The following MGST2 variants were observed in gnomAD, a reference collection of about 807,000 sequenced individuals.
The protein encoded by MGST2 is microsomal glutathione S-transferase 2.
A neutral mutation model predicts 16.6 loss-of-function variants in MGST2; 9 were observed. That is an observed-to-expected ratio of 0.54 (90% confidence interval 0.33 to 0.95). MGST2 has a LOEUF of 0.95. Ranked by LOEUF, MGST2 falls within the 40% of genes least tolerant of loss-of-function variation. MGST2 has a pLI of 0.03. For missense variants in MGST2, 159 were observed against 175.1 expected, an observed-to-expected ratio of 0.91 and a Z score of 0.52; for synonymous variants, 79 against 68.0, an observed-to-expected ratio of 1.16 and a Z score of -0.79.
chr4:139,669,045 A>G lies in MGST2; in HGVS notation c.58+2968A>G, dbSNP rs545060150. ...CTTACAAAATGGTGTAGTTTGGACT[A>G]ACATTAAGGTCTGTTTCAATGTTAA... On this transcript the variant is annotated intron_variant, in intron 1 of 4. Transcript: ENST00000265498. 1.2e-4 allele frequency among the ~76,000 whole-genome samples: 19 copies of G among 152,270 alleles called. No individual in the cohort carries two copies. In the South Asian group the frequency reaches 3.9e-3, roughly 32 times the overall value.
chr4:139,696,402 A>G (rs1480034938), intron 3 of MGST2, among the ~76,000 whole-genome samples: 1 of 152,230 alleles, frequency 6.6e-6, no homozygotes, highest in East Asian at 1.9e-4. Context: ...TAAAAGAAGT[A>G]AAAAAGCAGA....
chr4:139,745,226 C>G (rs1277765088), downstream of MGST2, among the ~76,000 whole-genome samples: 1 of 152,164 alleles, frequency 6.6e-6, no homozygotes, highest in Non-Finnish European at 1.5e-5. Flanking sequence ...GAAAGCTTCA[C>G]AGGGTGGGAC....
At chr4:139,716,197 A>AAAG (rs34016766) in intron 5 of MGST2, among the ~76,000 whole-genome samples, 55,693 of 151,772 alleles carry the variant, frequency 0.37, 10,856 homozygotes, top group South Asian at 0.51. Flanking sequence ...GTCACTGGCT[A>AAAG]AAGTCAATCC....
At chr4:139,671,118 A>C (rs546988400) in intron 1 of MGST2, among the ~76,000 whole-genome samples, 77 of 152,126 alleles carry the variant, frequency 5.1e-4, no homozygotes, top group Non-Finnish European at 8.2e-4. Context: ...TATGATCCCC[A>C]TTTTAACCTT....
rs1332631075 is a variant in MGST2, at chr4:139,666,054, C to G, written c.35C>G (p.Ser12Cys). The G allele has an allele frequency of 6.2e-7, 1 of 1,613,922 alleles. No homozygotes were observed. The highest frequency in any genetic ancestry group is 8.5e-7 in the Non-Finnish European group (1 of 1,180,032). ...AGNSILLAAV[S>C]ILSACQQSYF... ...AACTCGATCCTGCTGGCTGCTGTCT[C>G]TATTCTCTCGGCCTGTCAGCAAAGT... The change falls in exon 1 of 5, where the codon TCT (serine) becomes TGT (cysteine). Residue 12 changes from serine to cysteine, a missense_variant. Ser to Cys is a moderately radical substitution (Grantham distance 112). Transcript: ENST00000265498.
intron 2 of MGST2, among the ~76,000 whole-genome samples, chr4:139,694,600 G>A (rs8192097): frequency 1.7e-3 from 261 of 152,160 alleles, no homozygotes; most frequent in Middle Eastern, 3.4e-3. Context: ...TTCCATCCAC[G>A]TCTTCTATGA....
At chr4:139,690,772 T>C (rs553759087) in intron 2 of MGST2, among the ~76,000 whole-genome samples, 1 of 152,318 alleles carries the variant, frequency 6.6e-6, no homozygotes, top group South Asian at 2.1e-4. Context: ...TAACATAAAC[T>C]TTGTAGTATA....
At chr4:139,675,925 T>C (rs1423474401) in intron 1 of MGST2, among the ~76,000 whole-genome samples, 1 of 152,126 alleles carries the variant, frequency 6.6e-6, no homozygotes, top group South Asian at 2.1e-4. Context: ...TAGTTACATA[T>C]AAATTTTGGG....
chr4:139,706,683 T>TACAC (rs111407241), downstream of MGST2, among the ~76,000 whole-genome samples: 33 of 150,644 alleles, frequency 2.2e-4, no homozygotes, highest in African/African-American at 5.6e-4. Flanking sequence ...AACACACACA[T>TACAC]ACACACACAC....
downstream of MGST2, among the ~76,000 whole-genome samples, chr4:139,704,745 AC>A (rs8192114): frequency 2.6e-4 from 39 of 151,968 alleles, no homozygotes; most frequent in African/African-American, 9.4e-4. Context: ...ACACAGTGAA[AC>A]CCTGTCTCTA....
intron 5 of MGST2, among the ~76,000 whole-genome samples, chr4:139,731,705 C>T (rs549164811): frequency 5.9e-5 from 9 of 152,206 alleles, no homozygotes; most frequent in African/African-American, 2.2e-4. Flanking sequence ...TATATGTCAG[C>T]CAGTCGAATG....
rs548314314 is a variant in MGST2, at chr4:139,715,439, G to GA, written c.*48+11246dup. Among the ~76,000 whole-genome samples, 1 of 151,732 alleles carries GA rather than the reference G, an allele frequency of 6.6e-6. No homozygotes were observed. The highest frequency in any genetic ancestry group is 2.4e-5 in the African/African-American group (1 of 41,518). ...TGCAGGACAGAGAAATGTGTTACAG[G>GA]AAAGGGGTCCTGATGCAGACCCCAA... is the stretch of plus-strand genomic sequence containing the variant. On this transcript the variant is annotated intron_variant, in intron 5 of 5. Transcript: ENST00000616265. The surrounding 1 kb of genome is among the most constrained non-coding windows in gnomAD (Gnocchi z 4.4).
intron 5 of MGST2, chr4:139,717,014 A>AAAT (rs1727998857): frequency 1.3e-5 from 2 of 152,606 alleles, no homozygotes; most frequent in Non-Finnish European, 1.5e-5. Context: ...AATGAAATAA[A>AAAT]AATACTCTAT....
chr4:139,753,313 CCTTT>C, the MGST2 span, among the ~76,000 whole-genome samples: 1 of 151,770 alleles, frequency 6.6e-6, no homozygotes, highest in Non-Finnish European at 1.5e-5. Flanking sequence ...AAGCAGCCTG[CCTTT>C]CTTTGCTTTT....
chr4:139,688,464 C>T (rs748928826), intron 2 of MGST2, among the ~76,000 whole-genome samples: 2 of 151,934 alleles, frequency 1.3e-5, no homozygotes, highest in African/African-American at 4.8e-5. Context: ...CATCGTGAAT[C>T]TCGGTACCCT....
At chr4:139,733,836 G>A (rs1217990467) in intron 5 of MGST2, among the ~76,000 whole-genome samples, 1 of 152,098 alleles carries the variant, frequency 6.6e-6, no homozygotes, top group Non-Finnish European at 1.5e-5. Context: ...ACAGGTTTAA[G>A]CCACCATGCC....
chr4:139,669,683 C>T (rs540807003), intron 1 of MGST2, among the ~76,000 whole-genome samples: 1 of 152,228 alleles, frequency 6.6e-6, no homozygotes, highest in Admixed American at 6.5e-5. Flanking sequence ...AGAAAGCTTC[C>T]CCTTCACCCT....
At chr4:139,695,486 G>A (rs945223540) in intron 3 of MGST2, among the ~76,000 whole-genome samples, 8 of 152,174 alleles carry the variant, frequency 5.3e-5, no homozygotes, top group Admixed American at 4.6e-4. Context: ...GCTAAGTGTG[G>A]TGGCGCATGC....
chr4:139,697,831 T>G (rs1727015901), intron 3 of MGST2, among the ~76,000 whole-genome samples: 1 of 152,162 alleles, frequency 6.6e-6, no homozygotes. Flanking sequence ...AATGCTGGCA[T>G]TGTCCAGAAA....
Sources: gnomAD v4.1 joint callset for allele counts (sites outside exome capture counted in the v4.1 genomes callset) on GRCh38, gnomAD v4.1.1 for gene constraint, Gnocchi (gnomAD v3.1) non-coding constraint, MANE v1.5 for transcripts, NCBI Gene and HGNC (gene_info 2026-07-23, HGNC 2026-07-21) for gene names.